Variants in TNS3 observed in about 807,000 individuals in gnomAD.
The protein encoded by TNS3 is tensin 3.
TNS3 carries 45 observed loss-of-function variants against 140.9 expected under a neutral mutation model. That is an observed-to-expected ratio of 0.32 (90% CI 0.25 to 0.41). The LOEUF is 0.41. TNS3 is among the 10% of genes least tolerant of loss of function. TNS3 has a pLI of 1.00. For synonymous variants in TNS3, 815 were observed against 788.4 expected (o/e 1.03, Z -0.56); for missense variants, 1,716 against 1,906.7 (o/e 0.90, Z 1.86).
chr7:47,304,948 G>A lies in TNS3; in HGVS notation c.2706C>T (p.Pro902=). 7.0e-7 allele frequency: 1 copy of A among 1,424,678 alleles called. No individual in the cohort carries two copies. Among genetic ancestry groups the A allele is most frequent in the Non-Finnish European group, 9.3e-7 (1 of 1,075,148 alleles). 88.3% of individuals were successfully genotyped at this position (1,424,678 alleles called of 1,614,324 possible). A position where few individuals can be genotyped will look rare whatever the true frequency, so the allele number is the denominator to read the frequency against. ...LTHAVGMSES[P]IGPKSTMLRA... is the part of the protein sequence containing the mutation. ...GGAGCATCGTGGATTTGGGTCCGAT[G>A]GGGCTCTCTGACATCCCCACAGCGT... is the stretch of plus-strand genomic sequence containing the variant. Residue 902 remains proline (P), a synonymous_variant, in exon 21 of 31, where the codon CCC becomes CCT. Transcript: ENST00000311160.
Position 47,399,963 on chromosome 7 carries a change from G to A in TNS3, c.919+430C>T, listed in dbSNP as rs189811487. Among the ~76,000 whole-genome samples, 131 of 142,600 alleles carry A rather than the reference G, an allele frequency of 9.2e-4. 1 individual carries two copies. Among genetic ancestry groups the A allele is most frequent in the East Asian group, 9.0e-3 (44 of 4,908 alleles). The allele number at this position is 142,600 out of a possible 152,430, so 93.6% of individuals were successfully genotyped here. ...AATATCCAAAATCTTCAAGGAACTCGAACAAATCCTCAAAAAAAAAAAACA... is the reference window on the plus strand; with the variant it reads ...AATATCCAAAATCTTCAAGGAACTCAAACAAATCCTCAAAAAAAAAAAACA... On this transcript the variant is annotated intron_variant, in intron 15 of 30. Coordinates refer to ENST00000311160, the MANE Select transcript of TNS3 (RefSeq NM_022748.12).
chr7:47,511,846 A>C (rs923166227), intron 2 of TNS3, among the ~76,000 whole-genome samples: 1 of 152,168 alleles, frequency 6.6e-6, no homozygotes, highest in Non-Finnish European at 1.5e-5. Context: ...GCCCAGGCAC[A>C]CTGCCCGGAG....
At chr7:47,560,665 A>C (rs2151997468) in intron 1 of TNS3, among the ~76,000 whole-genome samples, 1 of 152,222 alleles carries the variant, frequency 6.6e-6, no homozygotes, top group African/African-American at 2.4e-5. Context: ...ATCAGCCTAC[A>C]AATGACCCCC....
At chr7:47,460,477 T>C (rs1411897020) in intron 4 of TNS3, among the ~76,000 whole-genome samples, 1 of 152,158 alleles carries the variant, frequency 6.6e-6, no homozygotes, top group African/African-American at 2.4e-5. Flanking sequence ...CTGAAAGCTC[T>C]GAGATGCCTG....
At chr7:47,471,488 G>C (rs1248420607) in intron 4 of TNS3, among the ~76,000 whole-genome samples, 1 of 152,200 alleles carries the variant, frequency 6.6e-6, no homozygotes, top group African/African-American at 2.4e-5. Flanking sequence ...CACTGACTTA[G>C]TGCCTGACTC....
chr7:47,522,389 C>G (rs1021190710), intron 2 of TNS3, among the ~76,000 whole-genome samples: 7 of 152,130 alleles, frequency 4.6e-5, no homozygotes. Context: ...CTCCACGTAA[C>G]TTCCGACCCC....
At chr7:47,375,273 C>T (rs955534878) in intron 16 of TNS3, among the ~76,000 whole-genome samples, 2 of 152,140 alleles carry the variant, frequency 1.3e-5, no homozygotes, top group East Asian at 1.9e-4. Flanking sequence ...CTTTCCCTTG[C>T]GTTGCCACCA....
At position 47,297,088 on chromosome 7, in the gene TNS3, T is replaced by C; in HGVS notation, c.3670A>G (p.Lys1224Glu). 1.2e-6 allele frequency: 2 copies of C among 1,614,164 alleles called. No individual in the cohort carries two copies. The highest frequency in any genetic ancestry group is 8.5e-7 in the Non-Finnish European group (1 of 1,180,026). ...TPPPSVLQLN[K>E]KAGDLANELV... ...TAGGGAGCAGTAACCTTACCTTTCT[T>C]GTTCAGCTGCAGGACTGAAGGTGGG... The change falls in exon 24 of 31, where the codon AAG becomes GAG. Residue 1224 changes from lysine to glutamate, a missense_variant. By Grantham distance (56) the Lys-to-Glu change is moderately conservative. Around this residue, in one of 3 missense-constraint regions of TNS3, gnomAD observed 216 missense variants for 295.7 expected, o/e 0.73. Transcript: ENST00000311160.
At chr7:47,471,953 C>G (rs1584732198) in intron 4 of TNS3, among the ~76,000 whole-genome samples, 1 of 152,216 alleles carries the variant, frequency 6.6e-6, no homozygotes. Context: ...GGCATGTGTT[C>G]TCTCACAGAC....
At chr7:47,467,812 T>C (rs1358409412) in intron 4 of TNS3, among the ~76,000 whole-genome samples, 1 of 152,202 alleles carries the variant, frequency 6.6e-6, no homozygotes, top group Non-Finnish European at 1.5e-5. Flanking sequence ...AGGAGGGGCC[T>C]GAGCCTAGAC....
rs543375523 is a variant in TNS3 at position 47,480,376 on chromosome 7, T to G, written c.-76+727A>C. ...ACTTCCCCAGCAGCAAGAGGCAGCT[T>G]CCCATTTGCCTCCCAGGGAGTCGCT... On this transcript the variant is annotated intron_variant, in intron 4 of 30. Transcript: ENST00000311160. Among the ~76,000 whole-genome samples the G allele has an allele frequency of 7.9e-5, 12 of 152,254 alleles. No homozygotes were observed. The South Asian group carries it at 1.7e-3, about 21-fold the overall frequency.
intron 4 of TNS3, among the ~76,000 whole-genome samples, chr7:47,478,183 TG>T (rs1365257877): frequency 6.6e-6 from 1 of 152,138 alleles, no homozygotes; most frequent in African/African-American, 2.4e-5. Context: ...TTCCCACACT[TG>T]AGCTGATCAG....
intron 1 of TNS3, among the ~76,000 whole-genome samples, chr7:47,531,856 CTT>C (rs542085277): frequency 1.3e-5 from 2 of 152,296 alleles, no homozygotes; most frequent in South Asian, 4.1e-4. Context: ...TCCCTGCGCT[CTT>C]GAGTGGGGCC....
At chr7:47,557,760 G>A (rs1024105345) in intron 1 of TNS3, among the ~76,000 whole-genome samples, 1 of 152,214 alleles carries the variant, frequency 6.6e-6, no homozygotes, top group Non-Finnish European at 1.5e-5. Flanking sequence ...AGCATGTAGT[G>A]GGAGGAGGTA....
At chr7:47,425,215 G>T (rs959460657) in intron 9 of TNS3, among the ~76,000 whole-genome samples, 2 of 152,160 alleles carry the variant, frequency 1.3e-5, no homozygotes, top group African/African-American at 4.8e-5. Flanking sequence ...TACTTGGGAG[G>T]CTGAGGTGGG....
At chr7:47,549,133 A>G (rs530966712) in intron 1 of TNS3, among the ~76,000 whole-genome samples, 11 of 152,212 alleles carry the variant, frequency 7.2e-5, no homozygotes, top group Non-Finnish European at 1.6e-4. Context: ...AGGAATCAGG[A>G]CATGACAATG....
At chr7:47,555,983 T>C (rs111424382) in intron 1 of TNS3, among the ~76,000 whole-genome samples, 3 of 152,216 alleles carry the variant, frequency 2.0e-5, no homozygotes, top group Non-Finnish European at 4.4e-5. Flanking sequence ...CATAGACACA[T>C]ACATGTAGGT....
intron 5 of TNS3, among the ~76,000 whole-genome samples, chr7:47,440,865 C>T (rs1034889005): frequency 3.3e-5 from 5 of 152,166 alleles, no homozygotes; most frequent in African/African-American, 1.2e-4. Context: ...GTGTTTCTCT[C>T]TTTCTTTTAA....
intron 2 of TNS3, among the ~76,000 whole-genome samples, chr7:47,521,089 C>G (rs1274190266): frequency 6.6e-6 from 1 of 152,142 alleles, no homozygotes; most frequent in South Asian, 2.1e-4. Context: ...AGCAGTGCAT[C>G]GCATCATAGT....
Sources: allele counts gnomAD v4.1 joint callset (sites outside exome capture counted in the v4.1 genomes callset), GRCh38; gene constraint gnomAD v4.1.1; regional missense constraint gnomAD v4.1.1; transcripts MANE v1.5; gene names NCBI Gene and HGNC (gene_info 2026-07-23, HGNC 2026-07-21).